Variants in CSMD1 observed in about 807,000 individuals in gnomAD.
The protein encoded by CSMD1 is CUB and sushi domain-containing protein 1.
Under a neutral mutation model 417.5 loss-of-function variants are expected in CSMD1, and 213 were observed. That is an observed-to-expected ratio of 0.51 (90% CI 0.46 to 0.57). CSMD1 has a LOEUF of 0.57. Ranked by LOEUF, CSMD1 falls within the 20% of genes least tolerant of loss-of-function variation. The pLI is 0.00. For synonymous variants in CSMD1, 2,862 were observed against 1,736.8 expected (o/e 1.65, Z -16.11); for missense variants, 6,923 against 4,529.7 (o/e 1.53, Z -15.17).
At chr8:4,375,079 A>G (rs1802646712) in intron 3 of CSMD1, among the ~76,000 whole-genome samples, 1 of 151,826 alleles carries the variant, frequency 6.6e-6, no homozygotes, top group Admixed American at 6.6e-5. Context: ...AGTGATGAAT[A>G]TTTCCAGGCA....
chr8:4,435,486 TTATGA>T (rs1293668970), intron 2 of CSMD1, among the ~76,000 whole-genome samples: 11 of 152,232 alleles, frequency 7.2e-5, no homozygotes, highest in African/African-American at 9.6e-5. Context: ...GGAAGCCCTG[TTATGA>T]TATGATTTGT....
At chr8:4,234,934 G>T (rs1166002034) in intron 3 of CSMD1, among the ~76,000 whole-genome samples, 1 of 152,072 alleles carries the variant, frequency 6.6e-6, no homozygotes, top group African/African-American at 2.4e-5. Flanking sequence ...TAACTGATGT[G>T]CTAATCTTGA....
chr8:3,136,974 G>C lies in CSMD1; in HGVS notation c.6241+5491C>G, dbSNP rs181443202. On this transcript the variant is annotated intron_variant, in intron 41 of 69. Coordinates refer to ENST00000635120, the MANE Select transcript of CSMD1 (RefSeq NM_033225.6). ...TTTTAAATTTTATTATTTTAATTGA[G>C]AGATAATAATTGCACATATTCATGG... Among the ~76,000 whole-genome samples, 13 of 152,084 alleles carry C rather than the reference G, an allele frequency of 8.5e-5. No individual in the cohort carries two copies. The East Asian group carries it at 1.9e-3, about 23-fold the overall frequency.
intron 7 of CSMD1, among the ~76,000 whole-genome samples, chr8:3,656,226 T>A (rs1031230317): frequency 6.6e-6 from 1 of 152,128 alleles, no homozygotes. Context: ...GACATAACCA[T>A]GTGAGGGACC....
intron 1 of CSMD1, among the ~76,000 whole-genome samples, chr8:4,734,635 G>A (rs568152967): frequency 2.6e-5 from 4 of 152,094 alleles, no homozygotes; most frequent in Admixed American, 6.6e-5. Flanking sequence ...TTAGGTACTG[G>A]AAATACTTTT....
At chr8:3,151,133 C>T (rs1244824831) in intron 40 of CSMD1, 1 of 307,116 alleles carries the variant, frequency 3.3e-6, no homozygotes, top group African/African-American at 2.1e-5. Context: ...ATTAGGGATG[C>T]TATATTTTGT....
intron 5 of CSMD1, among the ~76,000 whole-genome samples, chr8:3,901,576 C>T (rs963105298): frequency 2.6e-5 from 4 of 152,192 alleles, no homozygotes; most frequent in African/African-American, 4.8e-5. Context: ...AGTCCTCATT[C>T]GGAGAGCCTT....
At chr8:4,247,165 T>A in intron 3 of CSMD1, among the ~76,000 whole-genome samples, 1 of 152,210 alleles carries the variant, frequency 6.6e-6, no homozygotes, top group East Asian at 1.9e-4. Flanking sequence ...TTCCGCATCT[T>A]TTTTATGCTC....
intron 6 of CSMD1, among the ~76,000 whole-genome samples, chr8:3,716,820 T>C (rs566637954): frequency 1.2e-4 from 19 of 152,284 alleles, no homozygotes; most frequent in South Asian, 4.1e-4. Flanking sequence ...CCGATGGAAG[T>C]ATGGTAGTCA....
chr8:3,241,010 G>T (rs1799462942), intron 26 of CSMD1, among the ~76,000 whole-genome samples: 2 of 150,292 alleles, frequency 1.3e-5, no homozygotes, highest in Non-Finnish European at 1.5e-5. Flanking sequence ...ATGATAAGGG[G>T]TGCATGATCG....
At chr8:3,175,513 T>TGCCTGCC (rs1418799015) in intron 37 of CSMD1, among the ~76,000 whole-genome samples, 1 of 53,830 alleles carries the variant, frequency 1.9e-5, no homozygotes, top group Non-Finnish European at 4.5e-5. Context: ...GCCTGCCTTT[T>TGCCTGCC]TTCCTTCCTT....
chr8:3,432,102 G>C (rs1019732468), intron 12 of CSMD1, among the ~76,000 whole-genome samples: 1 of 152,114 alleles, frequency 6.6e-6, no homozygotes, highest in African/African-American at 2.4e-5. Flanking sequence ...GAACCCAGTT[G>C]GTAGTTATCA....
chr8:3,476,853 G>T (rs988198917), intron 11 of CSMD1, among the ~76,000 whole-genome samples: 5 of 149,266 alleles, frequency 3.3e-5, no homozygotes, highest in African/African-American at 1.2e-4. Flanking sequence ...GGGAAGCAGA[G>T]GTCGCAGTGA....
At chr8:3,627,383 T>C (rs188711853) in intron 7 of CSMD1, among the ~76,000 whole-genome samples, 1 of 152,302 alleles carries the variant, frequency 6.6e-6, no homozygotes, top group East Asian at 1.9e-4. Context: ...AAGTTATATA[T>C]ATCCTTAAAG....
chr8:3,354,755 A>G (rs1032131120), intron 21 of CSMD1, among the ~76,000 whole-genome samples: 1 of 150,558 alleles, frequency 6.6e-6, no homozygotes, highest in African/African-American at 2.5e-5. Flanking sequence ...TTAAATAACT[A>G]CATAGAATTA....
intron 23 of CSMD1, among the ~76,000 whole-genome samples, chr8:3,308,977 G>A (rs996367950): frequency 6.6e-6 from 1 of 152,064 alleles, no homozygotes; most frequent in Non-Finnish European, 1.5e-5. Flanking sequence ...CACCCCCTCA[G>A]CCTCCCAAAG....
intron 7 of CSMD1, among the ~76,000 whole-genome samples, chr8:3,649,758 T>A (rs1797753896): frequency 6.6e-6 from 1 of 152,120 alleles, no homozygotes; most frequent in African/African-American, 2.4e-5. Flanking sequence ...AACCATAACA[T>A]CATCCATAAT....
chr8:4,312,411 G>GTACGCA lies in CSMD1; in HGVS notation c.415+107541_415+107542insTGCGTA, dbSNP rs1798671467. On this transcript the variant is annotated intron_variant, in intron 3 of 69. Coordinates refer to ENST00000635120, the MANE Select transcript of CSMD1 (RefSeq NM_033225.6). ...TATATATACATACATATATATGCGT[G>GTACGCA]TATATATATGCGCGTATATATATAT... 1.0e-3 allele frequency among the ~76,000 whole-genome samples: 106 copies of GTACGCA among 102,554 alleles called. 9 individuals are homozygous for GTACGCA. Among genetic ancestry groups the GTACGCA allele is most frequent in the African/African-American group, 9.8e-3 (101 of 10,262 alleles). The allele number at this position is 102,554 out of a possible 152,430, so 67.3% of individuals were successfully genotyped here.
chr8:3,683,415 A>G (rs1396122899), intron 7 of CSMD1, among the ~76,000 whole-genome samples: 1 of 151,992 alleles, frequency 6.6e-6, no homozygotes, highest in Non-Finnish European at 1.5e-5. Flanking sequence ...ATTACAGGCA[A>G]TGGTTTGAAA....
Sources: gnomAD v4.1 joint callset for allele counts (sites outside exome capture counted in the v4.1 genomes callset) on GRCh38, gnomAD v4.1.1 for gene constraint, MANE v1.5 for transcripts, NCBI Gene and HGNC (gene_info 2026-07-23, HGNC 2026-07-21) for gene names.